TENM4: variants seen among roughly 807,000 people sequenced by gnomAD.
TENM4 encodes teneurin-4.
Under a neutral mutation model 243.3 loss-of-function variants are expected in TENM4, and 82 were observed. The observed-to-expected ratio is 0.34, with a 90% CI of 0.28 to 0.40. The LOEUF is 0.40. Ranked by LOEUF, TENM4 falls within the 10% of genes least tolerant of loss-of-function variation. The pLI is 1.00. For missense variants in TENM4, 3,138 were observed against 3,673.3 expected, an observed-to-expected ratio of 0.85 and a Z score of 3.77; for synonymous variants, 1,412 against 1,456.3, an observed-to-expected ratio of 0.97 and a Z score of 0.69.
chr11:79,235,382 T>A (rs1864446025), intron 2 of TENM4, among the ~76,000 whole-genome samples: 2 of 152,098 alleles, frequency 1.3e-5, no homozygotes, highest in African/African-American at 4.8e-5. Flanking sequence ...GGCCCCCCTG[T>A]AGAGTACAAA....
rs79821848 is a variant in TENM4, at chr11:78,774,365, T to C, written c.2393-3227A>G. On this transcript the variant is annotated intron_variant, in intron 17 of 33. Transcript: ENST00000278550. ...ATAAATAAATCCTTGCCAAAAACGG[T>C]CAAGACAAACACTGGGCTTGCCTCA... Among the ~76,000 whole-genome samples, 1,480 of 152,222 alleles carry C rather than the reference T, an allele frequency of 9.7e-3. 11 individuals are homozygous for C. Among genetic ancestry groups the C allele is most frequent in the Middle Eastern group, 0.017 (5 of 294 alleles).
At chr11:79,404,763 G>T (rs368057372) in intron 1 of TENM4, among the ~76,000 whole-genome samples, 1 of 152,004 alleles carries the variant, frequency 6.6e-6, no homozygotes, top group Non-Finnish European at 1.5e-5. Flanking sequence ...TAAGATAAGA[G>T]TTAGTTATGA....
At chr11:79,412,664 A>G (rs1041159510) in intron 1 of TENM4, among the ~76,000 whole-genome samples, 6 of 152,236 alleles carry the variant, frequency 3.9e-5, no homozygotes, top group African/African-American at 1.4e-4. Flanking sequence ...TATGGCATAA[A>G]AATACTTTAT....
intron 3 of TENM4, among the ~76,000 whole-genome samples, chr11:79,172,511 C>A (rs1863067669): frequency 6.6e-6 from 1 of 152,182 alleles, no homozygotes; most frequent in African/African-American, 2.4e-5. Context: ...TCCTCCCCAA[C>A]TCCAATCCAT....
Position 78,708,950 on chromosome 11 carries a change from CTTTTCTTTCT to C in TENM4, c.4055-445_4055-436del, listed in dbSNP as rs1555068551. ...GTTCCCCTTTTTGGTAACCATTTTT[CTTTTCTTTCT>C]TTTTCTTTCTTTTTTTTTTTTTTTA... On this transcript the variant is annotated intron_variant, in intron 26 of 33. Coordinates refer to ENST00000278550, the MANE Select transcript of TENM4 (RefSeq NM_001098816.3). 4.5e-4 allele frequency among the ~76,000 whole-genome samples: 58 copies of C among 128,212 alleles called. 1 individual carries two copies. The East Asian group carries it at 0.011, about 25-fold the overall frequency. 84.1% of individuals were successfully genotyped at this position (128,212 alleles called of 152,430 possible).
intron 3 of TENM4, among the ~76,000 whole-genome samples, chr11:79,164,467 AGT>A (rs1862858891): frequency 7.7e-6 from 1 of 129,334 alleles, no homozygotes; most frequent in African/African-American, 3.1e-5. Flanking sequence ...GTATATATAT[AGT>A]GTATATATAT....
In TENM4 at chr11:79,259,128, T is replaced by A. The variant is rs144264924; in HGVS notation, c.-265+38360A>T. 1.8e-4 allele frequency among the ~76,000 whole-genome samples: 28 copies of A among 152,318 alleles called. No individual in the cohort carries two copies. The East Asian group carries it at 5.4e-3, about 29-fold the overall frequency. On this transcript the variant is annotated intron_variant, in intron 2 of 33. Transcript: ENST00000278550. Reference sequence around the variant, plus strand: ...AGGGTGTTCCTAGGACAGAAGTAGGTGTGCCATAATGAGAATATTGCTTGG... The same window carrying A: ...AGGGTGTTCCTAGGACAGAAGTAGGAGTGCCATAATGAGAATATTGCTTGG...
intron 3 of TENM4, among the ~76,000 whole-genome samples, chr11:79,161,056 C>T (rs1330872787): frequency 1.3e-5 from 2 of 152,196 alleles, no homozygotes; most frequent in Non-Finnish European, 2.9e-5. Flanking sequence ...GGGTTAAGGG[C>T]ATCTTGAACA....
intron 2 of TENM4, among the ~76,000 whole-genome samples, chr11:79,264,125 A>G (rs1318181988): frequency 6.6e-6 from 1 of 152,112 alleles, no homozygotes; most frequent in East Asian, 1.9e-4. Context: ...GATGCTGACC[A>G]TTGCTCTTAC....
At chr11:78,921,458 C>G (rs2136387497) in intron 6 of TENM4, among the ~76,000 whole-genome samples, 1 of 152,214 alleles carries the variant, frequency 6.6e-6, no homozygotes, top group East Asian at 1.9e-4. Flanking sequence ...ATGTCGAAAG[C>G]CTCCATGAAG....
chr11:78,729,542 G>C lies in TENM4; in HGVS notation c.3240C>G (p.Thr1080=), dbSNP rs138462550. 2.5e-6 allele frequency: 4 copies of C among 1,613,986 alleles called. No homozygotes were observed. In the East Asian group the frequency reaches 8.9e-5, roughly 36 times the overall value. ...GYKSVLRISL[T]HPTIPFNLMK... is the part of the protein sequence containing the mutation. ...TGAGGTTGAAGGGGATGGTCGGGTGGGTGAGGCTGATCCTCAGGACAGATT... is the reference window on the plus strand; with the variant it reads ...TGAGGTTGAAGGGGATGGTCGGGTGCGTGAGGCTGATCCTCAGGACAGATT... The change falls in exon 22 of 34, where the codon ACC becomes ACG. Residue 1080 remains threonine, a synonymous_variant. Coordinates refer to ENST00000278550, the MANE Select transcript of TENM4 (RefSeq NM_001098816.3).
intron 4 of TENM4, among the ~76,000 whole-genome samples, chr11:79,141,582 A>G (rs1262779129): frequency 1.3e-5 from 2 of 152,050 alleles, no homozygotes. Flanking sequence ...ACTAATACCA[A>G]TCCTACTCAA....
intron 6 of TENM4, among the ~76,000 whole-genome samples, chr11:78,991,306 T>TAA (rs35865449): frequency 0.027 from 4,069 of 150,226 alleles, 199 homozygotes; most frequent in African/African-American, 0.093. Flanking sequence ...CTTTTGAGGT[T>TAA]AAAAAAAAAG....
intron 6 of TENM4, among the ~76,000 whole-genome samples, chr11:78,957,988 A>G (rs1857242991): frequency 6.6e-6 from 1 of 152,216 alleles, no homozygotes; most frequent in Admixed American, 6.5e-5. Flanking sequence ...CAGAAGGAAA[A>G]AAAAATGGGG....
At chr11:79,079,567 C>T (rs1209300138) in intron 4 of TENM4, among the ~76,000 whole-genome samples, 3 of 152,116 alleles carry the variant, frequency 2.0e-5, no homozygotes, top group East Asian at 1.9e-4. Flanking sequence ...CGGTGGCTCA[C>T]GCCTGTAATC....
At chr11:78,670,606 G>T in intron 31 of TENM4, 55 bp from the exon 32 acceptor site, 1 of 1,496,360 alleles carries the variant, frequency 6.7e-7, no homozygotes, top group Non-Finnish European at 9.1e-7. Flanking sequence ...AGAAAGGGTA[G>T]GTCTACATAC....
chr11:79,195,430 G>A (rs1863604115), intron 3 of TENM4, among the ~76,000 whole-genome samples: 1 of 152,128 alleles, frequency 6.6e-6, no homozygotes, highest in African/African-American at 2.4e-5. Flanking sequence ...AAAGCAGCCA[G>A]GAGGAAGGCT....
chr11:78,933,124 T>C (rs1856707380), intron 6 of TENM4, among the ~76,000 whole-genome samples: 1 of 152,150 alleles, frequency 6.6e-6, no homozygotes, highest in Non-Finnish European at 1.5e-5. Context: ...AATTTGAAGC[T>C]AGATTTGACT....
intron 2 of TENM4, among the ~76,000 whole-genome samples, chr11:79,284,889 G>C (rs1483357329): frequency 3.3e-5 from 5 of 152,126 alleles, no homozygotes; most frequent in African/African-American, 1.2e-4. Context: ...CAAAGGACTT[G>C]AATAAATATT....
Sources: gnomAD v4.1 joint callset for allele counts (sites outside exome capture counted in the v4.1 genomes callset) on GRCh38, gnomAD v4.1.1 for gene constraint, MANE v1.5 for transcripts, NCBI Gene and HGNC (gene_info 2026-07-23, HGNC 2026-07-21) for gene names.